GSAP: variants seen among roughly 807,000 people sequenced by gnomAD.
GSAP encodes the protein gamma-secretase activating protein, also known as gamma-secretase-activating protein.
In GSAP, 118 loss-of-function variants were observed where a neutral mutation model predicts 131.7. The ratio of observed to expected loss-of-function variants is 0.90; its 90% CI spans 0.77 to 1.04. The LOEUF (loss-of-function observed/expected upper bound fraction) is 1.04. GSAP is among the 50% of genes least tolerant of loss of function. The pLI is 0.00. For missense variants in GSAP, 1,019 were observed against 1,013.2 expected (o/e 1.01, Z -0.08); for synonymous variants, 381 against 363.4 (o/e 1.05, Z -0.55).
At chr7:77,394,966 C>T (rs1405164897) in intron 5 of GSAP, among the ~76,000 whole-genome samples, 2 of 152,198 alleles carry the variant, frequency 1.3e-5, no homozygotes, top group East Asian at 1.9e-4. Context: ...TAACCAATAA[C>T]GTTCATTGCA....
chr7:77,388,402 T>C (rs559094354), intron 5 of GSAP, among the ~76,000 whole-genome samples: 1 of 152,340 alleles, frequency 6.6e-6, no homozygotes, highest in South Asian at 2.1e-4. Context: ...TGGGTTTCCC[T>C]CAGGGACAGT....
rs139598618 is a variant in GSAP at position 77,354,259 on chromosome 7, C to G, written c.1339-618G>C. Among the ~76,000 whole-genome samples, 342 of 152,242 alleles carry G rather than the reference C, an allele frequency of 2.2e-3. 4 individuals are homozygous for G. Among genetic ancestry groups the G allele is most frequent in the African/African-American group, 7.6e-3 (314 of 41,534 alleles). On this transcript the variant is annotated intron_variant, in intron 16 of 30. Transcript: ENST00000257626. ...ACCAGTAAGCTGTTTAATTCAAAAC[C>G]GATTTATGTTATTGTACTTATTTTC...
chr7:77,364,182 G>A (rs1794938777), intron 12 of GSAP, among the ~76,000 whole-genome samples: 1 of 152,028 alleles, frequency 6.6e-6, no homozygotes, highest in South Asian at 2.1e-4. Context: ...TTCTCAAATA[G>A]TAGTGAATGA....
intron 3 of GSAP, among the ~76,000 whole-genome samples, chr7:77,397,691 C>T (rs1274517308): frequency 6.6e-6 from 1 of 152,214 alleles, no homozygotes; most frequent in Non-Finnish European, 1.5e-5. Flanking sequence ...GATCCAGGTT[C>T]AAACCCTGAC....
chr7:77,353,569 T>G lies in GSAP; in HGVS notation c.1408+3A>C. 1 of 1,598,458 alleles carries G rather than the reference T, an allele frequency of 6.3e-7. No homozygotes were observed. The highest frequency in any genetic ancestry group is 1.1e-5 in the South Asian group (1 of 90,628). Reference sequence around the variant, plus strand: ...CTTAAGCTGCAACATCAGCAACACTTACCAATTATAAATTCCTGAATGAGG... The same window carrying G: ...CTTAAGCTGCAACATCAGCAACACTGACCAATTATAAATTCCTGAATGAGG... On this transcript the variant is annotated splice_donor_region_variant and intron_variant, in intron 17 of 30. Transcript: ENST00000257626.
At chr7:77,361,922 T>C (rs372289432) in intron 13 of GSAP, among the ~76,000 whole-genome samples, 5 of 152,190 alleles carry the variant, frequency 3.3e-5, no homozygotes, top group African/African-American at 9.6e-5. Context: ...TCATGGATGC[T>C]TTTAACTGAA....
intron 12 of GSAP, among the ~76,000 whole-genome samples, chr7:77,371,051 C>A (rs536581953): frequency 2.6e-5 from 4 of 152,166 alleles, no homozygotes; most frequent in Non-Finnish European, 4.4e-5. Context: ...CCCTCCTATG[C>A]CTTCAAATGC....
At chr7:77,328,932 C>G (rs1287037900) in intron 21 of GSAP, among the ~76,000 whole-genome samples, 1 of 151,906 alleles carries the variant, frequency 6.6e-6, no homozygotes, top group Non-Finnish European at 1.5e-5. Context: ...GGGGCCTATA[C>G]TTTTAGTACT....
In GSAP at chr7:77,317,348, G is replaced by A. The variant is rs554351737; in HGVS notation, c.2090-2859C>T. On this transcript the variant is annotated intron_variant, in intron 26 of 30. Coordinates refer to ENST00000257626, the MANE Select transcript of GSAP (RefSeq NM_017439.4). Reference sequence around the variant, plus strand: ...ATGAGAACACTTGGACAAGGGTTGGGGGGGAACATCACACACTGGGGCCTG... The same window carrying A: ...ATGAGAACACTTGGACAAGGGTTGGAGGGGAACATCACACACTGGGGCCTG... 4.9e-4 allele frequency among the ~76,000 whole-genome samples: 64 copies of A among 131,918 alleles called. 1 individual carries two copies. The highest frequency in any genetic ancestry group is 4.2e-3 in the Middle Eastern group (1 of 240). The allele number at this position is 131,918 out of a possible 152,430, so 86.5% of individuals were successfully genotyped here.
intron 23 of GSAP, 64 bp from the exon 24 acceptor site, chr7:77,323,806 A>T (rs538439277): frequency 8.9e-6 from 6 of 677,362 alleles, no homozygotes; most frequent in African/African-American, 7.4e-5. Context: ...ACTGGTTTGA[A>T]TTAGATCCAC....
chr7:77,335,162 G>A (rs974411451), intron 19 of GSAP, among the ~76,000 whole-genome samples: 1 of 152,144 alleles, frequency 6.6e-6, no homozygotes. Context: ...CACTTTGGGA[G>A]GCCAAGATGC....
Position 77,397,019 on chromosome 7 carries a change from CT to C in GSAP, c.329del (p.Gln110ArgfsTer18). On this transcript the variant is annotated frameshift_variant, in exon 5 of 31. Transcript: ENST00000257626. LOFTEE classifies it high-confidence loss of function. Reference protein sequence around the residue: ...ERTLLAASLVQSTKEGKRNEL... With the variant: ...ERTLLAASLVXSTKEGKRNEL... Reference sequence around the variant, plus strand: ...CGTTCCTTTTTCCTTCTTTAGTAGACTGAACTAAACTTGCAGCTAATGGAAA... The same window carrying C: ...CGTTCCTTTTTCCTTCTTTAGTAGACGAACTAAACTTGCAGCTAATGGAAA... 6.3e-7 allele frequency: 1 copy of C among 1,598,924 alleles called. No homozygotes were observed. Among genetic ancestry groups the C allele is most frequent in the Non-Finnish European group, 8.6e-7 (1 of 1,169,574 alleles).
chr7:77,319,576 C>G (rs1787352648), intron 26 of GSAP, among the ~76,000 whole-genome samples: 1 of 152,176 alleles, frequency 6.6e-6, no homozygotes, highest in Admixed American at 6.5e-5. Context: ...AAATCAGGAT[C>G]TTGAAGAGAT....
chr7:77,407,598 A>G (rs1802514286), intron 1 of GSAP, among the ~76,000 whole-genome samples: 1 of 152,186 alleles, frequency 6.6e-6, no homozygotes, highest in African/African-American at 2.4e-5. Flanking sequence ...TAGTTATACT[A>G]AAAGTTGTAA....
Position 77,374,104 on chromosome 7 carries a change from T to C in GSAP, c.837A>G (p.Lys279=), listed in dbSNP as rs1284027675. ...TGGTAAAAACACACAGAGTCAGGTG[T>C]TTGGAAAATTTATCTCGGTATTGAT... ...DYHQYRDKFS[K]HLTLCVFTNH... The change falls in exon 12 of 31, where the codon AAA becomes AAG. Residue 279 remains lysine (K), a synonymous_variant. Transcript: ENST00000257626. 2 of 1,593,282 alleles carry C rather than the reference T, an allele frequency of 1.3e-6. No homozygotes were observed. Among genetic ancestry groups the C allele is most frequent in the East Asian group, 2.2e-5 (1 of 44,528 alleles).
intron 3 of GSAP, 94 bp downstream of exon 3, chr7:77,404,464 AG>A (rs1329669526): frequency 7.0e-6 from 5 of 717,266 alleles, no homozygotes; most frequent in Non-Finnish European, 1.2e-5. Context: ...ACAGAAAAAG[AG>A]AAAATAAAGT....
At chr7:77,403,418 T>C (rs948873385) in intron 3 of GSAP, among the ~76,000 whole-genome samples, 4 of 152,138 alleles carry the variant, frequency 2.6e-5, no homozygotes, top group Admixed American at 2.0e-4. Flanking sequence ...TGTAAAAAAT[T>C]TGTAATGGAT....
chr7:77,412,724 T>C (rs957745560), intron 1 of GSAP, among the ~76,000 whole-genome samples: 10 of 138,682 alleles, frequency 7.2e-5, no homozygotes, highest in East Asian at 4.2e-4. Flanking sequence ...AGTAAATACA[T>C]AGAGATGCTC....
At chr7:77,381,232 T>G in intron 8 of GSAP, 73 bp downstream of exon 8, 3 of 711,990 alleles carry the variant, frequency 4.2e-6, no homozygotes, top group Non-Finnish European at 7.1e-6. Context: ...AACATTATCT[T>G]TAGCAGTCTA....
Sources: allele counts gnomAD v4.1 joint callset (sites outside exome capture counted in the v4.1 genomes callset), GRCh38; gene constraint gnomAD v4.1.1; transcripts MANE v1.5; gene names NCBI Gene and HGNC (gene_info 2026-07-23, HGNC 2026-07-21).